Variants in ELAVL2 observed in about 807,000 individuals in gnomAD.
ELAVL2 encodes ELAV-like protein 2.
In ELAVL2, 4 loss-of-function variants were observed where a neutral mutation model predicts 34.6. The observed-to-expected ratio is 0.12, with a 90% CI of 0.06 to 0.26. The LOEUF is 0.26. Ranked by LOEUF, ELAVL2 falls within the 10% of genes least tolerant of loss-of-function variation. The pLI is 1.00. For synonymous variants in ELAVL2, 193 were observed against 154.8 expected (o/e 1.25, Z -1.83); for missense variants, 432 against 442.8 (o/e 0.98, Z 0.22).
chr9:23,722,440 T>TAC (rs1201514410), intron 3 of ELAVL2, among the ~76,000 whole-genome samples: 1 of 152,222 alleles, frequency 6.6e-6, no homozygotes, highest in African/African-American at 2.4e-5. Context: ...TCTCAAACTG[T>TAC]ACGTCTGGCT....
chr9:23,793,161 A>G (rs2060519097), intron 1 of ELAVL2, among the ~76,000 whole-genome samples: 1 of 152,208 alleles, frequency 6.6e-6, no homozygotes, highest in African/African-American at 2.4e-5. Context: ...CAGCTGGAAG[A>G]AAGAAGTTCT....
At chr9:23,729,036 A>G (rs745344252) in intron 3 of ELAVL2, among the ~76,000 whole-genome samples, 2 of 152,146 alleles carry the variant, frequency 1.3e-5, no homozygotes, top group African/African-American at 4.8e-5. Context: ...GCTGGGCCCT[A>G]AAGAGAAAAG....
At position 23,767,895 on chromosome 9, in the gene ELAVL2, G is replaced by C. The variant is rs1177709836; in HGVS notation, c.-15-5646C>G. Among the ~76,000 whole-genome samples the C allele has an allele frequency of 2.0e-5, 3 of 152,276 alleles. No homozygotes were observed. In the East Asian group the frequency reaches 5.8e-4, roughly 29 times the overall value. On this transcript the variant is annotated intron_variant, in intron 1 of 6. Coordinates refer to ENST00000397312, the MANE Select transcript of ELAVL2 (RefSeq NM_004432.5). ...TAGAAACCACCTGATTTAGGGACCA[G>C]ACTTCTGCGGGTTAAAGTCATAGCA...
In ELAVL2 at chr9:23,711,960, C is replaced by T. The variant is rs564464587; in HGVS notation, c.334-6889G>A. Among the ~76,000 whole-genome samples the T allele has an allele frequency of 6.6e-5, 10 of 152,236 alleles. No homozygotes were observed. The South Asian group carries it at 1.9e-3, about 28-fold the overall frequency. On this transcript the variant is annotated intron_variant, in intron 3 of 6. Transcript: ENST00000397312. ...ATTATACGCATTGGTACTTTGTGTA[C>T]AGACTACAATGAAAATTCTATTAAT...
intron 1 of ELAVL2, among the ~76,000 whole-genome samples, chr9:23,781,793 A>G (rs1022085873): frequency 6.6e-6 from 1 of 152,018 alleles, no homozygotes; most frequent in Admixed American, 6.5e-5. Context: ...TCCCGGGTTC[A>G]CACCATTCTC....
chr9:23,753,190 C>G (rs1194322264), intron 2 of ELAVL2, among the ~76,000 whole-genome samples: 1 of 152,100 alleles, frequency 6.6e-6, no homozygotes, highest in Non-Finnish European at 1.5e-5. Context: ...TTAAAGTTGA[C>G]CTTTTGAGCT....
chr9:23,843,376 A>G, the ELAVL2 span, among the ~76,000 whole-genome samples: 1 of 152,136 alleles, frequency 6.6e-6, no homozygotes, highest in African/African-American at 2.4e-5. Flanking sequence ...AGCAAAATGC[A>G]TAATGATATT....
chr9:23,746,249 C>T lies in ELAVL2; in HGVS notation c.230-15124G>A, dbSNP rs75272547. Among the ~76,000 whole-genome samples, 53 of 152,164 alleles carry T rather than the reference C, an allele frequency of 3.5e-4. No homozygotes were observed. In the East Asian group the frequency reaches 0.01, roughly 29 times the overall value. On this transcript the variant is annotated intron_variant, in intron 2 of 6. Transcript: ENST00000397312. ...CAAGTTCACAACAGGGGCTTCTAAC[C>T]AATTACAAAAGTTATTCTCTTATAG...
At chr9:23,801,339 G>C (rs1222082353) in intron 1 of ELAVL2, among the ~76,000 whole-genome samples, 1 of 152,054 alleles carries the variant, frequency 6.6e-6, no homozygotes, top group Non-Finnish European at 1.5e-5. Flanking sequence ...AAAGCTACAA[G>C]GGATTTCAAA....
chr9:23,844,681 G>T, the ELAVL2 span, among the ~76,000 whole-genome samples: 35 of 151,882 alleles, frequency 2.3e-4, no homozygotes, highest in East Asian at 6.4e-3. Context: ...AATGACCTCA[G>T]GTTTCATTAA....
chr9:23,701,993 T>C (rs2133178523), intron 4 of ELAVL2, among the ~76,000 whole-genome samples: 1 of 152,232 alleles, frequency 6.6e-6, no homozygotes, highest in Non-Finnish European at 1.5e-5. Context: ...AGCTCAGAAA[T>C]GAGGGACACA....
At position 23,701,664 on chromosome 9, in the gene ELAVL2, G is replaced by A. The variant is rs115493150; in HGVS notation, c.488-60C>T. 3,462 of 1,542,330 alleles carry A rather than the reference G, an allele frequency of 2.2e-3. 70 individuals carry two copies. The African/African-American group carries it at 0.041, about 18-fold the overall frequency. ...GGAACAGAAGGAGAAGGGAAGGAGA[G>A]AAGAAAGGACACATTAATTTTTCCT... is the stretch of plus-strand genomic sequence containing the variant. On this transcript the variant is annotated intron_variant, in intron 4 of 6. Coordinates refer to ENST00000397312, the MANE Select transcript of ELAVL2 (RefSeq NM_004432.5).
At chr9:23,757,248 C>CTGGATAA (rs1423194370) in intron 2 of ELAVL2, among the ~76,000 whole-genome samples, 2 of 152,158 alleles carry the variant, frequency 1.3e-5, no homozygotes, top group Admixed American at 1.3e-4. Context: ...AAGATGCCCT[C>CTGGATAA]TGGATAACTC....
chr9:23,816,891 C>T (rs1158462238), intron 1 of ELAVL2, among the ~76,000 whole-genome samples: 1 of 152,108 alleles, frequency 6.6e-6, no homozygotes, highest in Non-Finnish European at 1.5e-5. Flanking sequence ...GTATTAAATA[C>T]ATTTTTAACT....
chr9:23,786,298 G>T (rs1437181313), intron 1 of ELAVL2, among the ~76,000 whole-genome samples: 1 of 152,018 alleles, frequency 6.6e-6, no homozygotes, highest in Non-Finnish European at 1.5e-5. Flanking sequence ...AAGCAACAAA[G>T]ATCTAATTTA....
chr9:23,755,744 C>A (rs2053398358), intron 2 of ELAVL2, among the ~76,000 whole-genome samples: 1 of 152,148 alleles, frequency 6.6e-6, no homozygotes, highest in South Asian at 2.1e-4. Flanking sequence ...TAAGAACACA[C>A]ACAACCTTTC....
At chr9:23,775,442 A>C (rs1321042843) in intron 1 of ELAVL2, among the ~76,000 whole-genome samples, 1 of 152,164 alleles carries the variant, frequency 6.6e-6, no homozygotes. Flanking sequence ...CAAAACTTCA[A>C]GAGTTCACAC....
At chr9:23,741,019 A>C (rs951714034) in intron 2 of ELAVL2, among the ~76,000 whole-genome samples, 6 of 152,182 alleles carry the variant, frequency 3.9e-5, no homozygotes, top group Non-Finnish European at 7.3e-5. Context: ...CCAACACAGT[A>C]AACAAGGGAG....
chr9:23,777,828 T>C (rs2058461962), intron 1 of ELAVL2, among the ~76,000 whole-genome samples: 1 of 152,166 alleles, frequency 6.6e-6, no homozygotes, highest in Non-Finnish European at 1.5e-5. Flanking sequence ...ACCCATACTT[T>C]TACTTGCCAA....
Sources: gnomAD v4.1 joint callset for allele counts (sites outside exome capture counted in the v4.1 genomes callset) on GRCh38, gnomAD v4.1.1 for gene constraint, MANE v1.5 for transcripts, NCBI Gene and HGNC (gene_info 2026-07-23, HGNC 2026-07-21) for gene names.